AGAP1: variants seen among roughly 807,000 people sequenced by gnomAD.
The protein encoded by AGAP1 is arf-GAP with GTPase, ANK repeat and PH domain-containing protein 1.
AGAP1 carries 29 observed loss-of-function variants against 105.3 expected under a neutral mutation model. The observed-to-expected ratio is 0.28, with a 90% CI of 0.21 to 0.38. The LOEUF is 0.38. AGAP1 is among the 10% of genes least tolerant of loss of function. The pLI is 1.00. For missense variants in AGAP1, 998 were observed against 1,165.1 expected, an observed-to-expected ratio of 0.86 and a Z score of 2.09; for synonymous variants, 509 against 485.9, an observed-to-expected ratio of 1.05 and a Z score of -0.63.
At chr2:235,808,085 T>G (rs1957937409) in intron 9 of AGAP1, among the ~76,000 whole-genome samples, 1 of 151,444 alleles carries the variant, frequency 6.6e-6, no homozygotes, top group Admixed American at 6.6e-5. Context: ...ACGTAGATTG[T>G]GGTTTGATTT....
chr2:235,573,641 A>G (rs1944643832), intron 1 of AGAP1, among the ~76,000 whole-genome samples: 1 of 152,218 alleles, frequency 6.6e-6, no homozygotes, highest in African/African-American at 2.4e-5. Context: ...TATGGAAGAA[A>G]GTGTGGCAAC....
At chr2:236,049,403 C>A in intron 16 of AGAP1, 122 bp downstream of exon 16, 1 of 843,904 alleles carries the variant, frequency 1.2e-6, no homozygotes, top group Non-Finnish European at 1.8e-6. Context: ...TCGGGAATTC[C>A]GATTCATCCG....
chr2:235,980,039 G>A (rs1428798331), intron 13 of AGAP1, among the ~76,000 whole-genome samples: 4 of 152,130 alleles, frequency 2.6e-5, no homozygotes, highest in South Asian at 4.2e-4. Context: ...CATTGCCTGC[G>A]ATTCGTACCG....
At chr2:236,091,103 C>T (rs1433319726) in intron 16 of AGAP1, among the ~76,000 whole-genome samples, 1 of 152,202 alleles carries the variant, frequency 6.6e-6, no homozygotes, top group African/African-American at 2.4e-5. Context: ...CTGTCCTTGG[C>T]CACGTGTTTT....
Position 235,670,968 on chromosome 2 carries a change from C to G in AGAP1, c.164-38211C>G, listed in dbSNP as rs530293441. 76 of 1,317,278 alleles carry G rather than the reference C, an allele frequency of 5.8e-5. No homozygotes were observed. In the Middle Eastern group the frequency reaches 8.7e-4, roughly 15 times the overall value. The allele number at this position is 1,317,278 out of a possible 1,614,324, so 81.6% of individuals were successfully genotyped here. ...GGGCCCTCGCCACGGAGCGGAGCCT[C>G]GCGGCCACGCGGCTACTTCAGCCTG... On this transcript the variant is annotated intron_variant, in intron 1 of 17. Transcript: ENST00000304032.
At chr2:235,499,729 A>G (rs1001465219) in intron 1 of AGAP1, among the ~76,000 whole-genome samples, 7 of 152,134 alleles carry the variant, frequency 4.6e-5, no homozygotes, top group Non-Finnish European at 1.0e-4. Flanking sequence ...TTGCCTCGCC[A>G]GAATTAAGGC....
At chr2:235,627,311 A>T (rs1437619688) in intron 1 of AGAP1, among the ~76,000 whole-genome samples, 2 of 143,926 alleles carry the variant, frequency 1.4e-5, no homozygotes, top group Non-Finnish European at 1.5e-5. Flanking sequence ...TGCAACCTCT[A>T]CCTCCCGAGT....
At chr2:235,868,799 T>C (rs2049304039) in intron 9 of AGAP1, among the ~76,000 whole-genome samples, 2 of 152,212 alleles carry the variant, frequency 1.3e-5, no homozygotes. Context: ...TGTAAGTTAT[T>C]TAAAGCTTGT....
chr2:235,651,681 C>T (rs889734315), intron 1 of AGAP1, among the ~76,000 whole-genome samples: 2 of 152,064 alleles, frequency 1.3e-5, no homozygotes, highest in African/African-American at 2.4e-5. Context: ...TTGAGCCCCC[C>T]GAAATAATGA....
intron 13 of AGAP1, among the ~76,000 whole-genome samples, chr2:236,023,714 C>T (rs922083156): frequency 6.6e-6 from 1 of 152,142 alleles, no homozygotes; most frequent in Non-Finnish European, 1.5e-5. Context: ...TGCCCGTCCC[C>T]CAGGCTGAGC....
intron 6 of AGAP1, chr2:235,774,019 A>G: frequency 2.1e-6 from 1 of 465,330 alleles, no homozygotes; most frequent in South Asian, 1.6e-5. Context: ...GGACCAAGAG[A>G]TAGCAATTAC....
chr2:235,585,150 C>T (rs941453710), intron 1 of AGAP1, among the ~76,000 whole-genome samples: 4 of 152,124 alleles, frequency 2.6e-5, no homozygotes, highest in African/African-American at 9.7e-5. Context: ...TTACCACACA[C>T]TAAGTGGCTT....
chr2:235,629,269 TGTGTGTGTGTG>T (rs1319111187), intron 1 of AGAP1, among the ~76,000 whole-genome samples: 6 of 2,226 alleles, frequency 2.7e-3, no homozygotes, highest in African/African-American at 4.5e-3. Flanking sequence ...TAGTAGTCAT[TGTGTGTGTGTG>T]TGTGTGTGTG....
chr2:235,756,675 C>T (rs1364887242), intron 6 of AGAP1, among the ~76,000 whole-genome samples: 1 of 152,174 alleles, frequency 6.6e-6, no homozygotes, highest in African/African-American at 2.4e-5. Context: ...AGGAGGTGAG[C>T]AGCTTGCAAG....
chr2:235,534,026 C>G (rs1468951362), intron 1 of AGAP1, among the ~76,000 whole-genome samples: 2 of 152,244 alleles, frequency 1.3e-5, no homozygotes, highest in African/African-American at 4.8e-5. Context: ...ACCAACATTT[C>G]TGTAGCACTT....
chr2:236,077,140 A>ATATATATATAT (rs1239013558), intron 16 of AGAP1, among the ~76,000 whole-genome samples: 2 of 127,890 alleles, frequency 1.6e-5, no homozygotes, highest in African/African-American at 6.2e-5. Flanking sequence ...AAAAAAAAAA[A>ATATATATATAT]AAATATATAT....
chr2:235,622,567 T>C lies in AGAP1; in HGVS notation c.164-86612T>C, dbSNP rs575760520. Among the ~76,000 whole-genome samples, 3 of 152,162 alleles carry C rather than the reference T, an allele frequency of 2.0e-5. No individual in the cohort carries two copies. Among genetic ancestry groups the C allele is most frequent in the African/African-American group, 7.2e-5 (3 of 41,510 alleles). On this transcript the variant is annotated intron_variant, in intron 1 of 17. Coordinates refer to ENST00000304032, the MANE Select transcript of AGAP1 (RefSeq NM_001037131.3). The surrounding 1 kb of genome is among the most constrained non-coding windows in gnomAD (Gnocchi z 5.0). ...TGAACCCCGGTGGCCCAGTTGCTCC[T>C]CTTGGTGGACTCACTAAGTCAACTT...
At chr2:235,765,568 C>CTACA (rs1954885026) in intron 6 of AGAP1, among the ~76,000 whole-genome samples, 1 of 152,162 alleles carries the variant, frequency 6.6e-6, no homozygotes, top group Non-Finnish European at 1.5e-5. Context: ...GCCAACCGGA[C>CTACA]TGTACCACAT....
chr2:235,606,777 C>T (rs757867880), intron 1 of AGAP1, among the ~76,000 whole-genome samples: 4 of 151,934 alleles, frequency 2.6e-5, no homozygotes, highest in Non-Finnish European at 5.9e-5. Context: ...GGTGAAACCC[C>T]GTCTCTACTA....
Sources: allele counts gnomAD v4.1 joint callset (sites outside exome capture counted in the v4.1 genomes callset), GRCh38; gene constraint gnomAD v4.1.1; non-coding constraint Gnocchi (gnomAD v3.1); transcripts MANE v1.5; gene names NCBI Gene and HGNC (gene_info 2026-07-23, HGNC 2026-07-21).